Variants in DLG5 observed in about 807,000 individuals in gnomAD.
DLG5 encodes discs large MAGUK scaffold protein 5.
DLG5 carries 48 observed loss-of-function variants against 189.8 expected under a neutral mutation model. That is an observed-to-expected ratio of 0.25 (90% CI 0.20 to 0.32). The LOEUF (loss-of-function observed/expected upper bound fraction) is 0.32, where lower values mean the gene tolerates loss of function less well. Among genes scored for constraint, DLG5 ranks in the 10% least tolerant of loss-of-function variants. DLG5 has a pLI of 1.00. For missense variants in DLG5, 2,160 were observed against 2,544.7 expected (o/e 0.85, Z 3.25); for synonymous variants, 1,016 against 1,054.1 (o/e 0.96, Z 0.70).
At position 77,807,287 on chromosome 10, in the gene DLG5, T is replaced by C. The variant is rs191823470; in HGVS notation, c.4797-359A>G. ...ATCTCTCTAGGATGGAAATATGTCA[T>C]CTTCTACCCTAGAGACAGGGAGTTG... On this transcript the variant is annotated intron_variant, in intron 25 of 31. Transcript: ENST00000372391. Among the ~76,000 whole-genome samples, 88 of 152,304 alleles carry C rather than the reference T, an allele frequency of 5.8e-4. 1 individual carries two copies. The highest frequency in any genetic ancestry group is 2.1e-3 in the African/African-American group (88 of 41,574).
chr10:77,932,497 G>C, the DLG5 span, among the ~76,000 whole-genome samples: 7 of 152,156 alleles, frequency 4.6e-5, no homozygotes, highest in Non-Finnish European at 1.0e-4. Context: ...GGGAAGGAAA[G>C]TACCTCAAAA....
rs189381486 is a variant in DLG5, at chr10:77,909,159, G to C, written c.304+17058C>G. On this transcript the variant is annotated intron_variant, in intron 1 of 31. Coordinates refer to ENST00000372391, the MANE Select transcript of DLG5 (RefSeq NM_004747.4). ...GACAGATAAACTCTTGTCAGAATCT[G>C]GGCTCCACCCTAAAGCTTGTGTTAT... Among the ~76,000 whole-genome samples the C allele has an allele frequency of 4.1e-4, 63 of 152,288 alleles. No homozygotes were observed. The Middle Eastern group carries it at 0.014, about 33-fold the overall frequency.
chr10:77,894,860 G>A (rs1174312240), intron 1 of DLG5, among the ~76,000 whole-genome samples: 1 of 152,122 alleles, frequency 6.6e-6, no homozygotes, highest in East Asian at 1.9e-4. Flanking sequence ...TCCCCTAGCT[G>A]GCACTATCCA....
rs1430648768 is a variant in DLG5, at chr10:77,819,881, G to A, written c.3526+14C>T. 6.5e-7 allele frequency: 1 copy of A among 1,541,414 alleles called. No homozygotes were observed. The highest frequency in any genetic ancestry group is 8.7e-7 in the Non-Finnish European group (1 of 1,147,092). On this transcript the variant is annotated intron_variant, in intron 16 of 31. Coordinates refer to ENST00000372391, the MANE Select transcript of DLG5 (RefSeq NM_004747.4). The stretch of plus-strand genomic sequence containing the variant: ...CACCGACCCTCAGCCCCAGCCCCTG[G>A]CTGGCTGACTCACCCACAGACGGCC...
intron 1 of DLG5, among the ~76,000 whole-genome samples, chr10:77,870,878 C>T (rs1195972327): frequency 2.6e-5 from 4 of 151,856 alleles, no homozygotes; most frequent in Non-Finnish European, 5.9e-5. Flanking sequence ...GGAGACTTTG[C>T]TGGGGAGGTG....
rs796513761 is a variant in DLG5 at position 77,924,586 on chromosome 10, C to T, written c.304+1631G>A. The stretch of plus-strand genomic sequence containing the variant: ...GATAGATTAGATAGATACATAGATA[C>T]AATTAAAAAGAAAAAAATTACTTTG... On this transcript the variant is annotated intron_variant, in intron 1 of 31. Coordinates refer to ENST00000372391, the MANE Select transcript of DLG5 (RefSeq NM_004747.4). Among the ~76,000 whole-genome samples the T allele has an allele frequency of 4.6e-5, 7 of 152,292 alleles. No individual in the cohort carries two copies. The South Asian group carries it at 1.5e-3, about 32-fold the overall frequency.
At chr10:77,841,032 T>C (rs1265614659) in intron 7 of DLG5, among the ~76,000 whole-genome samples, 6 of 152,200 alleles carry the variant, frequency 3.9e-5, no homozygotes, top group African/African-American at 1.4e-4. Flanking sequence ...CTAACTGACC[T>C]GCACAGAAAG....
chr10:77,875,812 A>AG (rs1239307882), intron 1 of DLG5, among the ~76,000 whole-genome samples: 4 of 151,824 alleles, frequency 2.6e-5, no homozygotes, highest in African/African-American at 9.7e-5. Flanking sequence ...GAAAGGTGGC[A>AG]GGGAAAAAAA....
intron 2 of DLG5, among the ~76,000 whole-genome samples, chr10:77,861,392 G>C (rs1025057843): frequency 2.6e-5 from 4 of 152,184 alleles, no homozygotes; most frequent in African/African-American, 9.6e-5. Flanking sequence ...AAGAAATTTT[G>C]AATTTTCATC....
At chr10:77,895,548 G>T (rs145173633) in intron 1 of DLG5, among the ~76,000 whole-genome samples, 38 of 152,296 alleles carry the variant, frequency 2.5e-4, no homozygotes, top group African/African-American at 7.7e-4. Flanking sequence ...GTCAGATTTT[G>T]TAAGTGAAGA....
Position 77,821,953 on chromosome 10 carries a change from G to C in DLG5, c.2531C>G (p.Thr844Arg). 1 of 1,614,224 alleles carries C rather than the reference G, an allele frequency of 6.2e-7. No homozygotes were observed. Among genetic ancestry groups the C allele is most frequent in the South Asian group, 1.1e-5 (1 of 91,088 alleles). The change falls in exon 15 of 32, where the codon ACA becomes AGA. Residue 844 changes from threonine (T) to arginine (R), a missense_variant. Coordinates refer to ENST00000372391, the MANE Select transcript of DLG5 (RefSeq NM_004747.4). ...NLIQHNNSTQTDIFYTDRLED... is the reference protein window; with the variant it reads ...NLIQHNNSTQRDIFYTDRLED... ...CAGCCTGTCCGTGTAGAAGATGTCT[G>C]TCTGCGTGGAGTTATTGTGCTGTAT... is the stretch of plus-strand genomic sequence containing the variant.
At chr10:77,918,707 A>G (rs1416449968) in intron 1 of DLG5, among the ~76,000 whole-genome samples, 1 of 152,158 alleles carries the variant, frequency 6.6e-6, no homozygotes, top group African/African-American at 2.4e-5. Flanking sequence ...GCGAAAAAAA[A>G]ATCCAATTTC....
At chr10:77,858,930 T>C (rs927915262) in intron 2 of DLG5, among the ~76,000 whole-genome samples, 1 of 152,158 alleles carries the variant, frequency 6.6e-6, no homozygotes, top group African/African-American at 2.4e-5. Flanking sequence ...TGGAGTACAG[T>C]GGCGCAGTCT....
At chr10:77,816,452 T>C (rs913942300) in intron 20 of DLG5, 99 bp downstream of exon 20, 4 of 1,558,736 alleles carry the variant, frequency 2.6e-6, no homozygotes, top group African/African-American at 2.7e-5. Flanking sequence ...CTACTCCTGC[T>C]GCTTCTACTA....
chr10:77,857,529 CG>C, intron 2 of DLG5, among the ~76,000 whole-genome samples: 1 of 152,322 alleles, frequency 6.6e-6, no homozygotes, highest in Non-Finnish European at 1.5e-5. Flanking sequence ...GTCAGTGTGA[CG>C]CAATTCAAGT....
At chr10:77,825,435 T>C (rs1842585718) in intron 13 of DLG5, among the ~76,000 whole-genome samples, 1 of 135,238 alleles carries the variant, frequency 7.4e-6, no homozygotes, top group Non-Finnish European at 1.6e-5. Flanking sequence ...GTCAATATGC[T>C]AGCTTTGATA....
At position 77,856,880 on chromosome 10, in the gene DLG5, T is replaced by G; in HGVS notation, c.386A>C (p.Lys129Thr). 6.2e-7 allele frequency: 1 copy of G among 1,610,816 alleles called. No homozygotes were observed. Among genetic ancestry groups the G allele is most frequent in the Non-Finnish European group, 8.5e-7 (1 of 1,179,088 alleles). The change falls in exon 3 of 32, where the codon AAG becomes ACG. Residue 129 changes from lysine (K) to threonine (T), a missense_variant. Transcript: ENST00000372391. Reference sequence around the variant, plus strand: ...GAGGAGGGGTGGTGGGGACGGCGCCTTCCCGGTAGTGCCTGTGGAAGGGGA... The same window carrying G: ...GAGGAGGGGTGGTGGGGACGGCGCCGTCCCGGTAGTGCCTGTGGAAGGGGA... ...SSLSSVGTTGKAPSPPPLLTD... is the reference protein window; with the variant it reads ...SSLSSVGTTGTAPSPPPLLTD...
At chr10:77,933,234 G>A in the DLG5 span, among the ~76,000 whole-genome samples, 1 of 152,002 alleles carries the variant, frequency 6.6e-6, no homozygotes, top group Non-Finnish European at 1.5e-5. Context: ...AGGTTTATCA[G>A]TGTGTATTTT....
intron 5 of DLG5, among the ~76,000 whole-genome samples, chr10:77,844,330 A>T (rs1329200832): frequency 6.6e-6 from 1 of 152,224 alleles, no homozygotes; most frequent in African/African-American, 2.4e-5. Flanking sequence ...TTGGAAACTC[A>T]GGCCCAGTTT....
Sources: allele counts gnomAD v4.1 joint callset (sites outside exome capture counted in the v4.1 genomes callset), GRCh38; gene constraint gnomAD v4.1.1; transcripts MANE v1.5; gene names NCBI Gene and HGNC (gene_info 2026-07-23, HGNC 2026-07-21).